YTHDC2: variants seen among roughly 807,000 people sequenced by gnomAD.
The protein encoded by YTHDC2 is YTH N6-methyladenosine RNA binding protein C2, also known as 3'-5' RNA helicase YTHDC2.
YTHDC2 carries 45 observed loss-of-function variants against 174.9 expected under a neutral mutation model. The ratio of observed to expected loss-of-function variants is 0.26; its 90% CI spans 0.20 to 0.33. YTHDC2 has a LOEUF of 0.33. YTHDC2 is among the 10% of genes least tolerant of loss of function. The pLI is 1.00. For missense variants in YTHDC2, 1,650 were observed against 1,723.7 expected (o/e 0.96, Z 0.76); for synonymous variants, 657 against 574.5 (o/e 1.14, Z -2.05).
intron 4 of YTHDC2, among the ~76,000 whole-genome samples, chr5:113,528,187 G>A (rs1180473708): frequency 6.6e-6 from 1 of 152,090 alleles, no homozygotes; most frequent in Non-Finnish European, 1.5e-5. Context: ...CTATATATGA[G>A]AATTATGGAT....
intron 4 of YTHDC2, among the ~76,000 whole-genome samples, chr5:113,527,441 G>A (rs753143767): frequency 1.3e-5 from 2 of 152,002 alleles, no homozygotes; most frequent in Admixed American, 6.6e-5. Context: ...ACATTCTTGC[G>A]GCATTTCAGC....
chr5:113,562,606 A>G (rs1057514945), intron 18 of YTHDC2, among the ~76,000 whole-genome samples: 3 of 152,110 alleles, frequency 2.0e-5, no homozygotes, highest in African/African-American at 4.8e-5. Flanking sequence ...CCTCTCTTAC[A>G]CCATTGGTTT....
chr5:113,542,177 T>C (rs1203530985), intron 9 of YTHDC2, among the ~76,000 whole-genome samples, 191 bp from the exon 10 acceptor site: 1 of 152,202 alleles, frequency 6.6e-6, no homozygotes, highest in African/African-American at 2.4e-5. Context: ...AGATAAAAGT[T>C]GAGTATAAGG....
rs1775993864 is a variant in YTHDC2, at chr5:113,547,845, G to C, written c.1496-696G>C. The stretch of plus-strand genomic sequence containing the variant: ...TTTTGTAGTTATCTTAAATTTTACT[G>C]TTGAGGGTTTTTTAAATGAAATCTT... On this transcript the variant is annotated intron_variant, in intron 10 of 29. Coordinates refer to ENST00000161863, the MANE Select transcript of YTHDC2 (RefSeq NM_022828.5). Among the ~76,000 whole-genome samples the C allele has an allele frequency of 3.3e-5, 5 of 152,084 alleles. No homozygotes were observed. The South Asian group carries it at 1.0e-3, about 32-fold the overall frequency.
chr5:113,548,797 G>T lies in YTHDC2; in HGVS notation c.1622+130G>T, dbSNP rs1249283134. On this transcript the variant is annotated intron_variant, in intron 11 of 29. Transcript: ENST00000161863. ...TTGCTGGTGAATTTCTGTTTTAATG[G>T]GTTAATAATTTTGAATGACTTGTTT... is the stretch of plus-strand genomic sequence containing the variant. The T allele has an allele frequency of 4.2e-6, 5 of 1,183,028 alleles. No individual in the cohort carries two copies. The East Asian group carries it at 1.1e-4, about 26-fold the overall frequency. 73.3% of individuals were successfully genotyped at this position (1,183,028 alleles called of 1,614,324 possible).
In YTHDC2 at chr5:113,539,116, A is replaced by T; in HGVS notation, c.1145A>T (p.Asp382Val). The change falls in exon 8 of 30, where the codon GAT becomes GTT. Residue 382 changes from aspartate to valine, a missense_variant. Physicochemically the swap from Asp to Val is radical, Grantham distance 152. Around this residue, in one of 5 missense-constraint regions of YTHDC2, gnomAD observed 411 missense variants for 380.6 expected, o/e 1.08. Transcript: ENST00000161863. ...GAAGTAAAAGAAATGTTTCTGGAAG[A>T]TATTTTAAGAACAACTGGATATACA... Reference protein sequence around the residue: ...PFEVKEMFLEDILRTTGYTNK... With the variant: ...PFEVKEMFLEVILRTTGYTNK... 6.9e-7 allele frequency: 1 copy of T among 1,444,594 alleles called. No individual in the cohort carries two copies. Among genetic ancestry groups the T allele is most frequent in the Non-Finnish European group, 9.3e-7 (1 of 1,074,540 alleles). The allele number at this position is 1,444,594 out of a possible 1,614,324, so 89.5% of individuals were successfully genotyped here.
At chr5:113,557,289 TA>T (rs1198733992) in intron 17 of YTHDC2, among the ~76,000 whole-genome samples, 4 of 152,230 alleles carry the variant, frequency 2.6e-5, no homozygotes, top group African/African-American at 9.6e-5. Flanking sequence ...AGTAAATATT[TA>T]TCTTGCATTT....
chr5:113,590,700 G>A (rs372370027), intron 26 of YTHDC2, among the ~76,000 whole-genome samples: 1 of 152,186 alleles, frequency 6.6e-6, no homozygotes, highest in African/African-American at 2.4e-5. Context: ...TCTGAAAACT[G>A]CCTCCAGGCA....
At chr5:113,554,582 A>AC (rs1425209921) in intron 16 of YTHDC2, among the ~76,000 whole-genome samples, 1 of 151,870 alleles carries the variant, frequency 6.6e-6, no homozygotes, top group African/African-American at 2.4e-5. Flanking sequence ...TTTGTAAAAA[A>AC]AAAGTTTCAT....
chr5:113,563,487 C>T lies in YTHDC2; in HGVS notation c.2437C>T (p.Leu813Phe). ...AATTGTAAGAAATGCTGTACAAATG[C>T]TTAAGGTTGGTGTCTTCATAGTTTT... ...ALIVRNAVQM[L>F]KTIDAMDTWE... is the part of the protein sequence containing the mutation. Residue 813 changes from leucine to phenylalanine, a missense_variant, in exon 19 of 30, where the codon CTT (leucine) becomes TTT (phenylalanine). Physicochemically the swap from Leu to Phe is conservative, Grantham distance 22. Around this residue, in one of 5 missense-constraint regions of YTHDC2, gnomAD observed 913 missense variants for 940.4 expected, o/e 0.97. Transcript: ENST00000161863. 2 of 1,602,362 alleles carry T rather than the reference C, an allele frequency of 1.2e-6. No homozygotes were observed. The highest frequency in any genetic ancestry group is 2.2e-5 in the East Asian group (1 of 44,678).
intron 24 of YTHDC2, among the ~76,000 whole-genome samples, chr5:113,580,925 T>G (rs1185917127): frequency 6.6e-6 from 1 of 152,192 alleles, no homozygotes; most frequent in Non-Finnish European, 1.5e-5. Flanking sequence ...TCTAGCACTT[T>G]GTGTCTTACT....
At chr5:113,522,073 T>C (rs1274023186) in intron 2 of YTHDC2, among the ~76,000 whole-genome samples, 1 of 151,608 alleles carries the variant, frequency 6.6e-6, no homozygotes, top group Non-Finnish European at 1.5e-5. Context: ...AATGGAAATA[T>C]AAATTAAGGG....
Position 113,545,727 on chromosome 5 carries a change from CATTT to C in YTHDC2, c.1496-2813_1496-2810del, listed in dbSNP as rs1241412846. On this transcript the variant is annotated intron_variant, in intron 10 of 29. Transcript: ENST00000161863. ...GATTTTTTGAAAAATAATTGATCTC[CATTT>C]TTTTTTTTTTTTTTTTTTTTTTTTT... is the stretch of plus-strand genomic sequence containing the variant. Among the ~76,000 whole-genome samples, 123 of 80,342 alleles carry C rather than the reference CATTT, an allele frequency of 1.5e-3. 20 individuals carry two copies. Among genetic ancestry groups the C allele is most frequent in the African/African-American group, 0.011 (110 of 9,674 alleles). 52.7% of individuals were successfully genotyped at this position (80,342 alleles called of 152,430 possible). A position where few individuals can be genotyped will look rare whatever the true frequency, so the allele number is the denominator to read the frequency against.
chr5:113,516,515 A>G (rs1415251132), intron 2 of YTHDC2, among the ~76,000 whole-genome samples: 1 of 152,138 alleles, frequency 6.6e-6, no homozygotes, highest in Non-Finnish European at 1.5e-5. Context: ...GACATTTTGG[A>G]CTGGATAATT....
intron 28 of YTHDC2, chr5:113,593,095 G>T: frequency 2.7e-6 from 1 of 371,334 alleles, no homozygotes; most frequent in Non-Finnish European, 4.9e-6. Context: ...AGATTTTGCA[G>T]ATTAACTGTA....
intron 18 of YTHDC2, 92 bp from the exon 19 acceptor site, chr5:113,563,281 T>G (rs1346295546): frequency 3.7e-6 from 4 of 1,089,886 alleles, no homozygotes; most frequent in Non-Finnish European, 5.1e-6. Context: ...TACTAGTCTG[T>G]GTTTGGGAAC....
rs755980539 is a variant in YTHDC2, at chr5:113,581,721, A to T, written c.3647+12A>T. On this transcript the variant is annotated intron_variant, in intron 25 of 29. Transcript: ENST00000161863. Reference sequence around the variant, plus strand: ...ACTACTGCAGAAAGGTAAATTTATGACATTTTACCAAAATGGGTCACTTTT... The same window carrying T: ...ACTACTGCAGAAAGGTAAATTTATGTCATTTTACCAAAATGGGTCACTTTT... 4 of 1,470,582 alleles carry T rather than the reference A, an allele frequency of 2.7e-6. No homozygotes were observed. The South Asian group carries it at 5.9e-5, about 22-fold the overall frequency. 91.1% of individuals were successfully genotyped at this position (1,470,582 alleles called of 1,614,324 possible).
At chr5:113,553,133 T>C in intron 12 of YTHDC2, 48 bp from the exon 13 acceptor site, 1 of 1,445,958 alleles carries the variant, frequency 6.9e-7, no homozygotes, top group Non-Finnish European at 9.1e-7. Flanking sequence ...AAGGATTACT[T>C]TTGTTAATGG....
At position 113,525,122 on chromosome 5, in the gene YTHDC2, G is replaced by A. The variant is rs1206171356; in HGVS notation, c.420G>A (p.Glu140=). 1.2e-6 allele frequency: 2 copies of A among 1,611,008 alleles called. No homozygotes were observed. The highest frequency in any genetic ancestry group is 1.7e-6 in the Non-Finnish European group (2 of 1,178,614). Residue 140 remains glutamate, a synonymous_variant, in exon 3 of 30, where the codon GAG becomes GAA. Transcript: ENST00000161863. ...LIQRFPVTNK[E]RTELLPKTER... ...AAAGATTTCCTGTCACCAATAAAGA[G>A]CGTACAGAACTTCTGCCTAAAACAG...
Sources: gnomAD v4.1 joint callset for allele counts (sites outside exome capture counted in the v4.1 genomes callset) on GRCh38, gnomAD v4.1.1 for gene constraint, gnomAD v4.1.1 regional missense constraint, MANE v1.5 for transcripts, NCBI Gene and HGNC (gene_info 2026-07-23, HGNC 2026-07-21) for gene names.